The following PIGL variants were observed in gnomAD, a reference collection of about 807,000 sequenced individuals.
The protein encoded by PIGL is N-acetylglucosaminyl-phosphatidylinositol de-N-acetylase.
A neutral mutation model predicts 31.1 loss-of-function variants in PIGL; 22 were observed. That is an observed-to-expected ratio of 0.71 (90% CI 0.51 to 1.01). The LOEUF (loss-of-function observed/expected upper bound fraction) is 1.01, where lower values mean the gene tolerates loss of function less well. PIGL is among the 50% of genes least tolerant of loss of function. PIGL has a pLI of 0.00. For missense variants in PIGL, 302 were observed against 315.9 expected (o/e 0.96, Z 0.33); for synonymous variants, 131 against 117.4 (o/e 1.12, Z -0.75).
intron 2 of PIGL, among the ~76,000 whole-genome samples, chr17:16,253,254 C>CA (rs1049310073): frequency 6.6e-6 from 1 of 151,794 alleles, no homozygotes; most frequent in Non-Finnish European, 1.5e-5. Context: ...AACTCCGTCT[C>CA]AAAAAAACAA....
intron 2 of PIGL, among the ~76,000 whole-genome samples, chr17:16,256,605 C>T (rs528128288): frequency 6.6e-6 from 1 of 152,320 alleles, no homozygotes; most frequent in South Asian, 2.1e-4. Flanking sequence ...CTGCCTCAGC[C>T]TCCCAAAGTG....
chr17:16,228,596 G>A lies in PIGL; in HGVS notation c.236-5375G>A, dbSNP rs377494356. Among the ~76,000 whole-genome samples the A allele has an allele frequency of 9.5e-3, 1,446 of 151,838 alleles. 18 individuals carry two copies. The highest frequency in any genetic ancestry group is 0.033 in the African/African-American group (1,356 of 41,402). On this transcript the variant is annotated intron_variant, in intron 1 of 6. Coordinates refer to ENST00000225609, the MANE Select transcript of PIGL (RefSeq NM_004278.4). ...GTAGAGACGGGGTTTCACCGTGTTA[G>A]CCAGGATGGTCTCGATCTCCTGACC...
intron 1 of PIGL, among the ~76,000 whole-genome samples, chr17:16,218,716 T>C (rs1414174306): frequency 6.7e-6 from 1 of 149,550 alleles, no homozygotes; most frequent in Non-Finnish European, 1.5e-5. Flanking sequence ...TCTCGCTCTG[T>C]TGCCCAGGCT....
intron 2 of PIGL, among the ~76,000 whole-genome samples, chr17:16,277,379 G>C (rs1037456946): frequency 3.3e-5 from 5 of 152,206 alleles, no homozygotes; most frequent in Non-Finnish European, 7.3e-5. Context: ...ATTGGGCAGA[G>C]AGAAACAAAT....
chr17:16,263,580 A>G (rs2092828221), intron 2 of PIGL, among the ~76,000 whole-genome samples: 1 of 151,688 alleles, frequency 6.6e-6, no homozygotes, highest in African/African-American at 2.4e-5. Flanking sequence ...GCTGGAGTGC[A>G]GTGGCGTGAT....
intron 6 of PIGL, among the ~76,000 whole-genome samples, chr17:16,320,328 G>A (rs1055661012): frequency 2.3e-5 from 3 of 131,388 alleles, no homozygotes. Context: ...GAAGGGAAGC[G>A]AAGGAAGGAA....
chr17:16,253,177 C>T (rs899810423), intron 2 of PIGL, among the ~76,000 whole-genome samples: 1 of 152,076 alleles, frequency 6.6e-6, no homozygotes, highest in Non-Finnish European at 1.5e-5. Context: ...TAGCTTGAAC[C>T]CGGGAGGCGG....
intron 2 of PIGL, among the ~76,000 whole-genome samples, chr17:16,237,826 T>C (rs1181029643): frequency 8.8e-6 from 1 of 113,346 alleles, no homozygotes; most frequent in Non-Finnish European, 1.8e-5. Context: ...AAAAAAAAAA[T>C]TGAATCTCTT....
intron 2 of PIGL, among the ~76,000 whole-genome samples, chr17:16,288,629 TC>T (rs1263867972): frequency 6.6e-6 from 1 of 151,898 alleles, no homozygotes; most frequent in Non-Finnish European, 1.5e-5. Context: ...AACCTCTGCC[TC>T]CTAGGTTCAA....
At chr17:16,323,226 A>T (rs1196977991) in intron 6 of PIGL, among the ~76,000 whole-genome samples, 1 of 151,570 alleles carries the variant, frequency 6.6e-6, no homozygotes, top group Non-Finnish European at 1.5e-5. Flanking sequence ...CTGTGTGTGT[A>T]TATGTGGTCT....
intron 2 of PIGL, among the ~76,000 whole-genome samples, chr17:16,247,122 G>A (rs1600772704): frequency 1.3e-5 from 2 of 152,092 alleles, no homozygotes; most frequent in African/African-American, 4.8e-5. Context: ...CTTCTTAAAA[G>A]GCTACAAGTT....
At position 16,227,578 on chromosome 17, in the gene PIGL, C is replaced by CTTT. The variant is rs57452229; in HGVS notation, c.236-6376_236-6374dup. 5.9e-4 allele frequency among the ~76,000 whole-genome samples: 61 copies of CTTT among 103,166 alleles called. 1 individual carries two copies. The highest frequency in any genetic ancestry group is 2.7e-3 in the South Asian group (9 of 3,294). The allele number at this position is 103,166 out of a possible 152,430, so 67.7% of individuals were successfully genotyped here. A position where few individuals can be genotyped will look rare whatever the true frequency, so the allele number is the denominator to read the frequency against. ...TCATTTTTCTTTTTAATTTTCTTTT[C>CTTT]TTTTTTTTTTTTTTTTTTTGAGATG... On this transcript the variant is annotated intron_variant, in intron 1 of 6. Transcript: ENST00000225609.
intron 3 of PIGL, among the ~76,000 whole-genome samples, chr17:16,302,757 G>T (rs546490494): frequency 1.3e-5 from 2 of 150,362 alleles, no homozygotes; most frequent in African/African-American, 4.9e-5. Flanking sequence ...GCGCCACCAC[G>T]CCCAGATAAT....
chr17:16,306,898 G>A (rs1458996033), intron 3 of PIGL, among the ~76,000 whole-genome samples: 1 of 152,274 alleles, frequency 6.6e-6, no homozygotes, highest in Non-Finnish European at 1.5e-5. Context: ...AGTCAGGAGA[G>A]TAGGGGAGAT....
At chr17:16,238,429 C>CTT (rs1330555896) in intron 2 of PIGL, among the ~76,000 whole-genome samples, 1 of 142,448 alleles carries the variant, frequency 7.0e-6, no homozygotes, top group African/African-American at 2.6e-5. Flanking sequence ...TGGAGTGTTT[C>CTT]TTTTTTTCTT....
At chr17:16,252,142 C>T (rs2092775430) in intron 2 of PIGL, among the ~76,000 whole-genome samples, 1 of 147,830 alleles carries the variant, frequency 6.8e-6, no homozygotes, top group Admixed American at 6.8e-5. Context: ...GGTGCAATCT[C>T]GGCTCACTGC....
At chr17:16,268,027 T>C (rs1165404135) in intron 2 of PIGL, among the ~76,000 whole-genome samples, 1 of 152,084 alleles carries the variant, frequency 6.6e-6, no homozygotes, top group Admixed American at 6.6e-5. Context: ...GAGGAGACTG[T>C]AAATATTCAC....
rs184207884 is a variant in PIGL at position 16,266,819 on chromosome 17, G to A, written c.335+32749G>A. On this transcript the variant is annotated intron_variant, in intron 2 of 6. Transcript: ENST00000225609. ...TCACCGTGTTAGCCAGGATGGTCTC[G>A]ATCTCCTGACCTCGTGATTTGCCTG... is the stretch of plus-strand genomic sequence containing the variant. Among the ~76,000 whole-genome samples, 842 of 147,392 alleles carry A rather than the reference G, an allele frequency of 5.7e-3. 13 individuals carry two copies. Among genetic ancestry groups the A allele is most frequent in the African/African-American group, 0.019 (773 of 40,916 alleles).
intron 4 of PIGL, among the ~76,000 whole-genome samples, chr17:16,316,439 C>T (rs2093077194): frequency 6.6e-6 from 1 of 152,236 alleles, no homozygotes; most frequent in Non-Finnish European, 1.5e-5. Flanking sequence ...GAGTACTTCA[C>T]AAACCACAGA....
Sources: allele counts gnomAD v4.1 joint callset (sites outside exome capture counted in the v4.1 genomes callset), GRCh38; gene constraint gnomAD v4.1.1; transcripts MANE v1.5; gene names NCBI Gene and HGNC (gene_info 2026-07-23, HGNC 2026-07-21).